The following RAD51B variants were observed in gnomAD, a reference collection of about 807,000 sequenced individuals.
RAD51B encodes RAD51 paralog B.
A neutral mutation model predicts 42.2 loss-of-function variants in RAD51B; 38 were observed. The ratio of observed to expected loss-of-function variants is 0.90; its 90% CI spans 0.70 to 1.18. The LOEUF (loss-of-function observed/expected upper bound fraction) is 1.18, where lower values mean the gene tolerates loss of function less well. Among genes scored for constraint, RAD51B ranks in the 50% most tolerant of loss-of-function variants. The pLI is 0.00. For synonymous variants in RAD51B, 154 were observed against 145.2 expected (o/e 1.06, Z -0.43); for missense variants, 373 against 400.7 (o/e 0.93, Z 0.59).
At chr14:68,422,158 G>A (rs951229814) in intron 9 of RAD51B, 1 of 1,311,804 alleles carries the variant, frequency 7.6e-7, no homozygotes, top group Non-Finnish European at 1.1e-6. Flanking sequence ...AGGGCTCGCT[G>A]TCGACGGCAA....
chr14:68,148,786 T>C (rs979673528), intron 7 of RAD51B, among the ~76,000 whole-genome samples: 5 of 152,356 alleles, frequency 3.3e-5, no homozygotes, highest in Middle Eastern at 3.4e-3. Context: ...CACTTTATTA[T>C]AACATAGGCT....
intron 10 of RAD51B, among the ~76,000 whole-genome samples, chr14:68,490,661 C>G (rs555273540): frequency 1.3e-5 from 2 of 152,288 alleles, no homozygotes; most frequent in South Asian, 4.1e-4. Context: ...TTAATTTAAG[C>G]TGACACTCCT....
chr14:68,394,147 AAAGTT>A (rs1240878038), intron 8 of RAD51B, among the ~76,000 whole-genome samples: 2 of 152,212 alleles, frequency 1.3e-5, no homozygotes, highest in South Asian at 2.1e-4. Flanking sequence ...TTCTCTGATC[AAAGTT>A]AAGTTAAGGA....
intron 8 of RAD51B, among the ~76,000 whole-genome samples, chr14:68,305,580 G>A (rs2081843690): frequency 6.6e-6 from 1 of 152,224 alleles, no homozygotes; most frequent in African/African-American, 2.4e-5. Context: ...CTAATGAATT[G>A]CCAGGATGAG....
At chr14:67,971,708 T>C (rs191044651) in intron 7 of RAD51B, among the ~76,000 whole-genome samples, 1 of 152,216 alleles carries the variant, frequency 6.6e-6, no homozygotes. Context: ...TTGTGTGTTA[T>C]GTGACTACTT....
Position 68,571,156 on chromosome 14 carries a change from C to T in RAD51B, c.1037-23329C>T, listed in dbSNP as rs1021073293. ...GGCTGGAACACAGGGCAGGTGACCC[C>T]GTGAGCTAAGGTGAAACAACCAGGC... On this transcript the variant is annotated intron_variant, in intron 10 of 10. Transcript: ENST00000487270. Among the ~76,000 whole-genome samples the T allele has an allele frequency of 1.1e-4, 17 of 152,242 alleles. 1 individual carries two copies. In the South Asian group the frequency reaches 1.7e-3, roughly 15 times the overall value.
intron 11 of RAD51B, among the ~76,000 whole-genome samples, chr14:68,675,863 T>A (rs1327647618): frequency 6.6e-6 from 1 of 152,256 alleles, no homozygotes; most frequent in South Asian, 2.1e-4. Flanking sequence ...CAATCCTCCA[T>A]CTCCACCTGC....
chr14:68,330,224 G>C (rs937949396), intron 8 of RAD51B, among the ~76,000 whole-genome samples: 5 of 152,096 alleles, frequency 3.3e-5, no homozygotes, highest in African/African-American at 7.2e-5. Flanking sequence ...ATGATTAAAA[G>C]CATGGAAAAT....
intron 7 of RAD51B, among the ~76,000 whole-genome samples, chr14:67,925,892 C>T (rs776316793): frequency 4.6e-5 from 7 of 152,196 alleles, no homozygotes; most frequent in Non-Finnish European, 8.8e-5. Flanking sequence ...CTCATTGGCT[C>T]CTTTCAGCCA....
At chr14:67,848,137 C>G (rs1277283598) in intron 4 of RAD51B, among the ~76,000 whole-genome samples, 1 of 152,208 alleles carries the variant, frequency 6.6e-6, no homozygotes, top group African/African-American at 2.4e-5. Context: ...TCTGCCTCAG[C>G]CTCCCGAGTA....
intron 8 of RAD51B, among the ~76,000 whole-genome samples, chr14:68,356,912 G>A (rs931535250): frequency 6.6e-6 from 1 of 150,656 alleles, no homozygotes; most frequent in Non-Finnish European, 1.5e-5. Context: ...GAACCCGGGA[G>A]GCGGAGCTTG....
chr14:68,095,761 G>T (rs2077181759), intron 7 of RAD51B, among the ~76,000 whole-genome samples: 1 of 151,926 alleles, frequency 6.6e-6, no homozygotes, highest in Non-Finnish European at 1.5e-5. Flanking sequence ...GGATCACGAG[G>T]TCAGGAGATG....
chr14:67,886,078 T>C, intron 6 of RAD51B, 90 bp downstream of exon 6: 1 of 1,141,784 alleles, frequency 8.8e-7, no homozygotes, highest in Non-Finnish European at 1.2e-6. Context: ...AAAAAAGTCT[T>C]TATAGGTTAG....
intron 7 of RAD51B, among the ~76,000 whole-genome samples, chr14:67,944,612 T>TC (rs1366501236): frequency 1.3e-5 from 2 of 152,222 alleles, no homozygotes; most frequent in Non-Finnish European, 2.9e-5. Flanking sequence ...GTACTTGATC[T>TC]TATTTAATCT....
chr14:68,665,627 C>T (rs1478732268), intron 11 of RAD51B, among the ~76,000 whole-genome samples: 2 of 152,168 alleles, frequency 1.3e-5, no homozygotes, highest in African/African-American at 2.4e-5. Flanking sequence ...GTGATTATAC[C>T]AAACACATAT....
intron 7 of RAD51B, among the ~76,000 whole-genome samples, chr14:68,072,050 T>A (rs2076749179): frequency 8.4e-6 from 1 of 119,724 alleles, no homozygotes; most frequent in South Asian, 2.3e-4. Context: ...TATATATATA[T>A]AATTATATAT....
intron 11 of RAD51B, among the ~76,000 whole-genome samples, chr14:68,669,506 A>T (rs1189494847): frequency 3.9e-5 from 6 of 152,094 alleles, no homozygotes; most frequent in African/African-American, 1.4e-4. Flanking sequence ...AGCTTGAACC[A>T]TGGCTTTGGG....
At chr14:68,083,418 T>C (rs1381640998) in intron 7 of RAD51B, among the ~76,000 whole-genome samples, 1 of 152,108 alleles carries the variant, frequency 6.6e-6, no homozygotes, top group African/African-American at 2.4e-5. Flanking sequence ...TGATATTGCC[T>C]GGAGCACAAA....
chr14:68,606,463 A>G (rs367706688), intron 10 of RAD51B, among the ~76,000 whole-genome samples: 9 of 152,182 alleles, frequency 5.9e-5, no homozygotes, highest in African/African-American at 2.2e-4. Flanking sequence ...CTTCTTCTAC[A>G]ATATCACCAT....
Sources: gnomAD v4.1 joint callset for allele counts (sites outside exome capture counted in the v4.1 genomes callset) on GRCh38, gnomAD v4.1.1 for gene constraint, MANE v1.5 for transcripts, NCBI Gene and HGNC (gene_info 2026-07-23, HGNC 2026-07-21) for gene names.